The following NOL8 variants were observed in gnomAD, a reference collection of about 807,000 sequenced individuals.
NOL8 encodes the protein nucleolar protein 8.
In NOL8, 93 loss-of-function variants were observed where a neutral mutation model predicts 116.1. The observed-to-expected ratio is 0.80, with a 90% CI of 0.68 to 0.95. The LOEUF (loss-of-function observed/expected upper bound fraction) is 0.95, where lower values mean the gene tolerates loss of function less well. Among genes scored for constraint, NOL8 ranks in the 40% least tolerant of loss-of-function variants. NOL8 has a pLI of 0.00. For synonymous variants in NOL8, 419 were observed against 469.0 expected (o/e 0.89, Z 1.38); for missense variants, 1,291 against 1,382.8 (o/e 0.93, Z 1.05).
chr9:92,319,958 G>A (rs925136746), intron 4 of NOL8: 2 of 423,016 alleles, frequency 4.7e-6, no homozygotes. Flanking sequence ...CTCTGCTCCA[G>A]TGGATGTCCC....
At chr9:92,301,183 C>G (rs138330987) in intron 13 of NOL8, among the ~76,000 whole-genome samples, 132 of 152,256 alleles carry the variant, frequency 8.7e-4, no homozygotes, top group African/African-American at 3.0e-3. Flanking sequence ...CTTCTTTTAT[C>G]TTATATATAG....
chr9:92,298,306 C>A lies in NOL8; in HGVS notation c.3404G>T (p.Ser1135Ile). ...CTCCCAAGAGTTCCTGCTCATATTA[C>A]TTCCTACTCCTCTCCAGAATAAGTC... ...GSDLFWRGVG[S>I]NMSRNSWEAR... The change falls in exon 16 of 17, where the codon AGT becomes ATT. Residue 1135 changes from serine to isoleucine, a missense_variant. Coordinates refer to ENST00000442668, the MANE Select transcript of NOL8 (RefSeq NM_017948.6). The A allele has an allele frequency of 2.5e-6, 4 of 1,608,822 alleles. No homozygotes were observed. The highest frequency in any genetic ancestry group is 1.7e-6 in the Non-Finnish European group (2 of 1,177,620).
chr9:92,319,260 A>G lies in NOL8; in HGVS notation c.378T>C (p.His126=), dbSNP rs1839703651. 1 of 1,589,446 alleles carries G rather than the reference A, an allele frequency of 6.3e-7. No individual in the cohort carries two copies. The highest frequency in any genetic ancestry group is 1.1e-5 in the South Asian group (1 of 88,642). ...LLEKTGGVDF[H]MKAVPGTEVP... ...CTTCTGTCCCTGGCACAGCTTTCAT[A>G]TGGAAATCCACTCCTCCTGTCTTTT... The change falls in exon 5 of 17, where the codon CAT becomes CAC. Residue 126 remains histidine, a synonymous_variant. Transcript: ENST00000442668.
Position 92,301,703 on chromosome 9 carries a change from C to G in NOL8, c.3023G>C (p.Ser1008Thr), listed in dbSNP as rs749340409. 1 of 1,607,600 alleles carries G rather than the reference C, an allele frequency of 6.2e-7. No homozygotes were observed. Among genetic ancestry groups the G allele is most frequent in the Admixed American group, 1.7e-5 (1 of 58,386 alleles). The change falls in exon 13 of 17, where the codon AGT becomes ACT. Residue 1008 changes from serine (S) to threonine (T), a missense_variant. Physicochemically the swap from Ser to Thr is moderately conservative, Grantham distance 58. Transcript: ENST00000442668. ...CCAGGGTGTGCCCTCTTCCTTTTCA[C>G]TGGTATATTTTGTAGTTTGGAATAT... ...KEIFQTTKYT[S>T]EKEEGTPWNE...
intron 4 of NOL8, chr9:92,320,278 G>A: frequency 2.3e-6 from 1 of 437,840 alleles, no homozygotes; most frequent in Non-Finnish European, 4.6e-6. Flanking sequence ...TCAGACCCAT[G>A]CTTCTCAGGC....
At position 92,310,280 on chromosome 9, in the gene NOL8, T is replaced by C. The variant is rs1298082761; in HGVS notation, c.2596-19A>G. On this transcript the variant is annotated intron_variant, in intron 9 of 16. Transcript: ENST00000442668. ...CCATGAGCTACACAGACAGAAAACATACATAATTGATAGCCACATTCCCAA... is the reference window on the plus strand; with the variant it reads ...CCATGAGCTACACAGACAGAAAACACACATAATTGATAGCCACATTCCCAA... 2.5e-6 allele frequency: 4 copies of C among 1,587,264 alleles called. No homozygotes were observed. The highest frequency in any genetic ancestry group is 2.6e-6 in the Non-Finnish European group (3 of 1,164,482).
chr9:92,305,960 G>A (rs1838216085), intron 11 of NOL8, 130 bp from the exon 12 acceptor site: 1 of 636,790 alleles, frequency 1.6e-6, no homozygotes, highest in Admixed American at 2.8e-5. Context: ...TATAACATCA[G>A]ATAAGATAAC....
Position 92,314,334 on chromosome 9 carries a change from G to C in NOL8, c.2291C>G (p.Ala764Gly). The C allele has an allele frequency of 6.2e-7, 1 of 1,608,546 alleles. No homozygotes were observed. Among genetic ancestry groups the C allele is most frequent in the Non-Finnish European group, 8.5e-7 (1 of 1,175,844 alleles). Residue 764 changes from alanine (A) to glycine (G), a missense_variant, in exon 7 of 17, where the codon GCC becomes GGC. Coordinates refer to ENST00000442668, the MANE Select transcript of NOL8 (RefSeq NM_017948.6). ...HAEDNEKRLA[A>G]LEARQKAKEV... ...TTTTGCTTTTTGCCTCGCTTCCAAG[G>C]CTGCCAAACGCTTCTCATTGTCTTC... is the stretch of plus-strand genomic sequence containing the variant.
intron 10 of NOL8, chr9:92,308,757 T>G (rs1165633609): frequency 6.6e-6 from 1 of 152,192 alleles, no homozygotes; most frequent in Non-Finnish European, 1.5e-5. Flanking sequence ...CAGTGACATA[T>G]GCTCTAGGTT....
intron 13 of NOL8, chr9:92,300,618 A>G (rs542786579): frequency 1.0e-6 from 1 of 998,380 alleles, no homozygotes. Context: ...TAGAAAAACT[A>G]TCGTTACTAT....
intron 7 of NOL8, among the ~76,000 whole-genome samples, chr9:92,312,827 CAA>C (rs35089570): frequency 1.9e-3 from 108 of 55,438 alleles, no homozygotes; most frequent in African/African-American, 7.5e-3. Context: ...AACTCCATCT[CAA>C]AAAAAAAAAA....
Position 92,299,841 on chromosome 9 carries a change from C to G in NOL8, c.3302+49G>C, listed in dbSNP as rs544591443. 4 of 1,585,898 alleles carry G rather than the reference C, an allele frequency of 2.5e-6. No individual in the cohort carries two copies. In the East Asian group the frequency reaches 6.8e-5, roughly 27 times the overall value. ...AAATATTTCTAAAGTATGTCTAATT[C>G]AGATTTTACAAATTATGAACTATGC... On this transcript the variant is annotated intron_variant, in intron 14 of 16. Coordinates refer to ENST00000442668, the MANE Select transcript of NOL8 (RefSeq NM_017948.6).
In NOL8 at chr9:92,314,681, CTG is replaced by C; in HGVS notation, c.1942_1943del (p.Gln648AspfsTer4). The part of the protein sequence containing the change: ...GPNYIQPQKR[Q>X]TTFESQDRKA... Reference sequence around the variant, plus strand: ...TGCGATCCTGGCTTTCAAAAGTGGTCTGTCTTTTTTGAGGCTGAATATAGTTT... The same window carrying C: ...TGCGATCCTGGCTTTCAAAAGTGGTCTCTTTTTTGAGGCTGAATATAGTTT... On this transcript the variant is annotated frameshift_variant, in exon 7 of 17. Transcript: ENST00000442668. LOFTEE classifies it high-confidence loss of function. 1 of 1,613,590 alleles carries C rather than the reference CTG, an allele frequency of 6.2e-7. No homozygotes were observed. The highest frequency in any genetic ancestry group is 8.5e-7 in the Non-Finnish European group (1 of 1,179,720).
chr9:92,319,833 G>T, intron 4 of NOL8: 1 of 351,344 alleles, frequency 2.8e-6, no homozygotes, highest in Admixed American at 3.8e-5. Flanking sequence ...TTGGACAGCA[G>T]TGACAAGCTG....
rs1839367966 is a variant in NOL8, at chr9:92,316,006, G to A, written c.619C>T (p.Arg207Ter). The A allele has an allele frequency of 1.2e-6, 2 of 1,613,788 alleles. No homozygotes were observed. Among genetic ancestry groups the A allele is most frequent in the South Asian group, 1.1e-5 (1 of 91,066 alleles). ...GGNDPMSKKR[R>*]GEFSDFHGPP... is the part of the protein sequence containing the mutation. Reference sequence around the variant, plus strand: ...CCATGAAAGTCAGAGAACTCTCCTCGCCGTTTCTTACTCATAGGGTCATTC... The same window carrying A: ...CCATGAAAGTCAGAGAACTCTCCTCACCGTTTCTTACTCATAGGGTCATTC... Residue 207 changes from arginine to a stop codon, truncating the protein, a stop_gained, in exon 7 of 17, where the codon CGA becomes TGA. Transcript: ENST00000442668. LOFTEE classifies it high-confidence loss of function.
rs1463657623 is a variant in NOL8, at chr9:92,307,151, C to T, written c.2687-127G>A. 4.4e-5 allele frequency: 40 copies of T among 909,090 alleles called. No homozygotes were observed. In the East Asian group the frequency reaches 7.4e-4, roughly 17 times the overall value. The allele number at this position is 909,090 out of a possible 1,614,324, so 56.3% of individuals were successfully genotyped here. Reference sequence around the variant, plus strand: ...TAAGACAGGAAGAAGAAACTTTAACCTCATTTCACTAACCTCCATAACCAA... The same window carrying T: ...TAAGACAGGAAGAAGAAACTTTAACTTCATTTCACTAACCTCCATAACCAA... On this transcript the variant is annotated intron_variant, in intron 10 of 16. Transcript: ENST00000442668.
In NOL8 at chr9:92,318,600, TGA is replaced by T; in HGVS notation, c.486+16_486+17del. 1 of 1,553,202 alleles carries T rather than the reference TGA, an allele frequency of 6.4e-7. No individual in the cohort carries two copies. The highest frequency in any genetic ancestry group is 1.7e-4 in the Middle Eastern group (1 of 5,956). On this transcript the variant is annotated intron_variant, in intron 6 of 16. Transcript: ENST00000442668. ...CCGTCACTGTGGTAAATAATTATGT[TGA>T]GAGGCCAAAGGATATTTTACGTTTA...
chr9:92,318,747 C>T (rs764317926), intron 5 of NOL8, 61 bp from the exon 6 acceptor site: 9 of 1,086,950 alleles, frequency 8.3e-6, no homozygotes, highest in African/African-American at 1.6e-5. Context: ...GATTTAATAA[C>T]AATATTAGGT....
intron 13 of NOL8, chr9:92,300,549 G>C (rs1456440614): frequency 1.5e-5 from 15 of 989,824 alleles, no homozygotes; most frequent in Non-Finnish European, 1.8e-5. Context: ...CATCTTTCAA[G>C]TTGCTGATGT....
Sources: allele counts gnomAD v4.1 joint callset (sites outside exome capture counted in the v4.1 genomes callset), GRCh38; gene constraint gnomAD v4.1.1; transcripts MANE v1.5; gene names NCBI Gene and HGNC (gene_info 2026-07-23, HGNC 2026-07-21).